The following TAF4B variants were observed in gnomAD, a reference collection of about 807,000 sequenced individuals.
TAF4B encodes the protein transcription initiation factor TFIID subunit 4B.
TAF4B carries 38 observed loss-of-function variants against 86.4 expected under a neutral mutation model. The observed-to-expected ratio is 0.44, with a 90% CI of 0.34 to 0.58. The LOEUF (loss-of-function observed/expected upper bound fraction) is 0.58. Ranked by LOEUF, TAF4B falls within the 20% of genes least tolerant of loss-of-function variation. The pLI, the probability that TAF4B is intolerant of heterozygous loss-of-function variation, is 0.02. For synonymous variants in TAF4B, 388 were observed against 391.2 expected (o/e 0.99, Z 0.10); for missense variants, 988 against 1,027.6 (o/e 0.96, Z 0.53).
rs953869947 is a variant in TAF4B at position 26,262,130 on chromosome 18, G to A, written c.344-3040G>A. Reference sequence around the variant, plus strand: ...CAGATTTCCTTTTATGAATGGGAATGGGTGAAAGAAGGGAGACTTGAACCC... The same window carrying A: ...CAGATTTCCTTTTATGAATGGGAATAGGTGAAAGAAGGGAGACTTGAACCC... On this transcript the variant is annotated intron_variant, in intron 1 of 14. Coordinates refer to ENST00000269142, the MANE Select transcript of TAF4B (RefSeq NM_005640.3). Among the ~76,000 whole-genome samples the A allele has an allele frequency of 2.0e-5, 3 of 151,966 alleles. No homozygotes were observed. In the South Asian group the frequency reaches 6.2e-4, roughly 32 times the overall value.
intron 1 of TAF4B, among the ~76,000 whole-genome samples, chr18:26,258,936 C>T (rs1259724412): frequency 2.0e-5 from 3 of 151,576 alleles, no homozygotes; most frequent in Admixed American, 6.6e-5. Context: ...TGGACTTAAG[C>T]AGTCCTCCTG....
intron 13 of TAF4B, among the ~76,000 whole-genome samples, chr18:26,352,697 A>G (rs2057255005): frequency 6.6e-6 from 1 of 152,156 alleles, no homozygotes; most frequent in Admixed American, 6.5e-5. Context: ...TGAAGGTTGC[A>G]GTAAGATGAG....
chr18:26,308,638 C>T (rs1174444026), intron 9 of TAF4B, among the ~76,000 whole-genome samples: 13 of 151,850 alleles, frequency 8.6e-5, no homozygotes, highest in Admixed American at 7.2e-4. Flanking sequence ...TTTGGGAGGC[C>T]GAGGTGGGCG....
intron 13 of TAF4B, 80 bp downstream of exon 13, chr18:26,335,311 T>G: frequency 1.2e-5 from 15 of 1,285,490 alleles, no homozygotes; most frequent in Admixed American, 1.7e-5. Context: ...AGGTCAGGGT[T>G]TATTTTGCTG....
At chr18:26,321,257 G>T in intron 11 of TAF4B, 57 bp downstream of exon 11, 1 of 1,582,580 alleles carries the variant, frequency 6.3e-7, no homozygotes, top group South Asian at 1.1e-5. Flanking sequence ...AGTCTTTTGG[G>T]CGTGGATTGA....
intron 9 of TAF4B, among the ~76,000 whole-genome samples, chr18:26,314,647 A>G (rs544047868): frequency 3.3e-5 from 5 of 152,324 alleles, no homozygotes; most frequent in South Asian, 4.1e-4. Context: ...TAGAATGGCT[A>G]GTCTAGTAAG....
intron 14 of TAF4B, among the ~76,000 whole-genome samples, chr18:26,381,725 C>CTAAATAAATAAATAAA (rs59018457): frequency 5.6e-5 from 8 of 144,076 alleles, no homozygotes; most frequent in Admixed American, 1.4e-4. Context: ...AACTCCGCCT[C>CTAAATAAATAAATAAA]TAAATAAATA....
At chr18:26,250,813 A>G (rs2055995739) in intron 1 of TAF4B, among the ~76,000 whole-genome samples, 1 of 152,252 alleles carries the variant, frequency 6.6e-6, no homozygotes. Flanking sequence ...AAATCTAACA[A>G]CCTATCCTTA....
At chr18:26,346,773 A>ATATATATGTGTG in intron 13 of TAF4B, among the ~76,000 whole-genome samples, 1 of 24,116 alleles carries the variant, frequency 4.1e-5, no homozygotes, top group Non-Finnish European at 9.9e-5. Flanking sequence ...ATATATATAT[A>ATATATATGTGTG]TGTGTGTGTA....
intron 6 of TAF4B, among the ~76,000 whole-genome samples, chr18:26,283,152 A>C (rs1403260794): frequency 6.6e-6 from 1 of 152,194 alleles, no homozygotes; most frequent in Non-Finnish European, 1.5e-5. Context: ...AATATACTTA[A>C]TGGCATCTAG....
chr18:26,260,503 T>G (rs990375270), intron 1 of TAF4B, among the ~76,000 whole-genome samples: 3 of 152,234 alleles, frequency 2.0e-5, no homozygotes, highest in African/African-American at 7.2e-5. Flanking sequence ...TACATATGGC[T>G]AGCCAGTTTT....
Position 26,315,146 on chromosome 18 carries a change from G to T in TAF4B, c.1833-83G>T, listed in dbSNP as rs1677008. On this transcript the variant is annotated intron_variant, in intron 9 of 14. Coordinates refer to ENST00000269142, the MANE Select transcript of TAF4B (RefSeq NM_005640.3). ...TCTCTCTCTCTCTCTCTCTCTCTCT[G>T]TCTCTCTCTCTCTCTCACACACACA... 986 of 151,758 alleles carry T rather than the reference G, an allele frequency of 6.5e-3. 4 individuals carry two copies. The highest frequency in any genetic ancestry group is 0.016 in the Middle Eastern group (7 of 450). 9.4% of individuals were successfully genotyped at this position (151,758 alleles called of 1,614,324 possible).
chr18:26,307,931 G>A (rs1341791716), intron 9 of TAF4B, among the ~76,000 whole-genome samples: 2 of 152,068 alleles, frequency 1.3e-5, no homozygotes, highest in Non-Finnish European at 2.9e-5. Flanking sequence ...CCAACGTGGC[G>A]AAACTCCATC....
intron 13 of TAF4B, among the ~76,000 whole-genome samples, chr18:26,356,541 T>G (rs937743851): frequency 6.6e-6 from 1 of 152,158 alleles, no homozygotes; most frequent in South Asian, 2.1e-4. Context: ...GTTAAAAGAT[T>G]TTGGTTAGTA....
intron 10 of TAF4B, among the ~76,000 whole-genome samples, chr18:26,319,374 T>C (rs1223145239): frequency 1.3e-5 from 2 of 150,112 alleles, no homozygotes; most frequent in African/African-American, 4.9e-5. Context: ...CGCTTGCCTA[T>C]AAGTAATCCC....
intron 9 of TAF4B, among the ~76,000 whole-genome samples, chr18:26,296,999 C>T (rs1191261591): frequency 2.0e-5 from 3 of 151,956 alleles, no homozygotes; most frequent in Non-Finnish European, 4.4e-5. Flanking sequence ...ATTAGCAGGG[C>T]ATGGTGGTGC....
intron 3 of TAF4B, among the ~76,000 whole-genome samples, chr18:26,273,443 GA>G (rs976632184): frequency 6.6e-6 from 1 of 151,832 alleles, no homozygotes; most frequent in African/African-American, 2.4e-5. Context: ...GTCTGCTGTT[GA>G]AAAAAATAAT....
At chr18:26,268,214 G>A (rs1373304227) in intron 3 of TAF4B, among the ~76,000 whole-genome samples, 5 of 152,154 alleles carry the variant, frequency 3.3e-5, no homozygotes, top group African/African-American at 4.8e-5. Flanking sequence ...AGCTAGCTAG[G>A]ACAGTACATA....
At chr18:26,329,494 C>A (rs1328904199) in intron 12 of TAF4B, among the ~76,000 whole-genome samples, 1 of 152,246 alleles carries the variant, frequency 6.6e-6, no homozygotes, top group Admixed American at 6.5e-5. Context: ...CCATGTCTCT[C>A]TTTCATGGTC....
Sources: allele counts gnomAD v4.1 joint callset (sites outside exome capture counted in the v4.1 genomes callset), GRCh38; gene constraint gnomAD v4.1.1; transcripts MANE v1.5; gene names NCBI Gene and HGNC (gene_info 2026-07-23, HGNC 2026-07-21).